The following LRRC69 variants were observed in gnomAD, a reference collection of about 807,000 sequenced individuals.
The protein encoded by LRRC69 is leucine rich repeat containing 69, also known as leucine-rich repeat-containing protein 69.
Under a neutral mutation model 37.8 loss-of-function variants are expected in LRRC69, and 42 were observed. That is an observed-to-expected ratio of 1.11 (90% CI 0.87 to 1.44). The LOEUF is 1.44. Among genes scored for constraint, LRRC69 ranks in the 40% most tolerant of loss-of-function variants. LRRC69 has a pLI of 0.00. For synonymous variants in LRRC69, 141 were observed against 143.1 expected, an observed-to-expected ratio of 0.99 and a Z score of 0.11; for missense variants, 357 against 401.9, an observed-to-expected ratio of 0.89 and a Z score of 0.96.
intron 7 of LRRC69, chr8:91,209,580 G>T (rs1460448708): frequency 6.6e-6 from 1 of 152,240 alleles, no homozygotes; most frequent in Non-Finnish European, 1.5e-5. Flanking sequence ...ACGTGAGGAA[G>T]GCTTGAAGAA....
At chr8:91,144,236 C>T (rs1808578762) in intron 5 of LRRC69, among the ~76,000 whole-genome samples, 1 of 151,952 alleles carries the variant, frequency 6.6e-6, no homozygotes, top group East Asian at 1.9e-4. Context: ...GGTTCTAATT[C>T]GTAACTGTTA....
intron 6 of LRRC69, among the ~76,000 whole-genome samples, chr8:91,195,627 T>C (rs990335528): frequency 1.3e-5 from 2 of 152,010 alleles, no homozygotes; most frequent in African/African-American, 4.8e-5. Context: ...TTGATCTTTA[T>C]TGGTTTAAAG....
chr8:91,102,732 A>G, exon 1 of LRRC69: 1 of 1,551,880 alleles, frequency 6.4e-7, no homozygotes, highest in Non-Finnish European at 8.7e-7. Flanking sequence ...TTGAATGGGA[A>G]GAAGATGACA....
intron 5 of LRRC69, among the ~76,000 whole-genome samples, chr8:91,143,997 A>G (rs949056240): frequency 2.6e-5 from 4 of 152,018 alleles, no homozygotes; most frequent in Non-Finnish European, 5.9e-5. Context: ...TGTATACATC[A>G]CATTGTTAGG....
intron 5 of LRRC69, among the ~76,000 whole-genome samples, chr8:91,142,637 T>C (rs1347919144): frequency 1.3e-5 from 2 of 152,008 alleles, no homozygotes; most frequent in Non-Finnish European, 2.9e-5. Flanking sequence ...AGGCTGGGGA[T>C]CCCACAGGTT....
intron 5 of LRRC69, among the ~76,000 whole-genome samples, chr8:91,148,000 G>C (rs1808654003): frequency 6.6e-6 from 1 of 151,630 alleles, no homozygotes; most frequent in African/African-American, 2.4e-5. Flanking sequence ...GAGTATGATG[G>C]CTTCCAGCTT....
chr8:91,125,768 A>G (rs557214590), intron 2 of LRRC69, among the ~76,000 whole-genome samples: 1 of 151,796 alleles, frequency 6.6e-6, no homozygotes, highest in South Asian at 2.1e-4. Flanking sequence ...TAAGTTAGGT[A>G]TATATATATC....
chr8:91,189,167 A>G (rs1177340776), intron 5 of LRRC69, among the ~76,000 whole-genome samples: 4 of 152,146 alleles, frequency 2.6e-5, no homozygotes, highest in Admixed American at 2.0e-4. Flanking sequence ...TTGGTTTTCT[A>G]ATAAATATAT....
intron 5 of LRRC69, among the ~76,000 whole-genome samples, chr8:91,175,680 G>A (rs567741545): frequency 3.3e-5 from 5 of 152,158 alleles, no homozygotes; most frequent in African/African-American, 1.2e-4. Flanking sequence ...TGGGTGGGTG[G>A]TTGCACTTCG....
intron 1 of LRRC69, among the ~76,000 whole-genome samples, chr8:91,103,598 C>G (rs899044370): frequency 7.9e-5 from 12 of 152,052 alleles, no homozygotes; most frequent in African/African-American, 2.9e-4. Flanking sequence ...CTAGAAGCAG[C>G]TAAGGCGTTA....
chr8:91,169,525 T>A (rs907804856), intron 5 of LRRC69, among the ~76,000 whole-genome samples: 18 of 46,602 alleles, frequency 3.9e-4, no homozygotes, highest in African/African-American at 7.5e-4. Context: ...TGTATATAAT[T>A]TTTTTTTTAT....
chr8:91,200,488 C>A lies in LRRC69; in HGVS notation c.754-125C>A. Reference sequence around the variant, plus strand: ...ACAACACAATTCATTAGATACACTGCAGAATCTTAATTTAACAGAATCTAG... The same window carrying A: ...ACAACACAATTCATTAGATACACTGAAGAATCTTAATTTAACAGAATCTAG... On this transcript the variant is annotated intron_variant, in intron 6 of 7. Coordinates refer to ENST00000448384, the Ensembl canonical transcript of LRRC69. The A allele has an allele frequency of 4.8e-6, 3 of 619,542 alleles. No individual in the cohort carries two copies. The Middle Eastern group carries it at 9.6e-4, about 199-fold the overall frequency. The allele number at this position is 619,542 out of a possible 1,614,324, so 38.4% of individuals were successfully genotyped here.
chr8:91,106,667 A>C (rs1160399236), intron 1 of LRRC69, among the ~76,000 whole-genome samples: 1 of 152,038 alleles, frequency 6.6e-6, no homozygotes, highest in African/African-American at 2.4e-5. Flanking sequence ...TTGTATTATT[A>C]TTCTATATAT....
chr8:91,198,421 TTGA>T (rs1809655799), intron 6 of LRRC69, among the ~76,000 whole-genome samples: 1 of 152,210 alleles, frequency 6.6e-6, no homozygotes, highest in Admixed American at 6.5e-5. Flanking sequence ...ATTTTTGCTC[TTGA>T]TGCTACGTTT....
intron 5 of LRRC69, 120 bp from the exon 6 acceptor site, chr8:91,189,402 A>T: frequency 1.5e-6 from 1 of 678,496 alleles, no homozygotes; most frequent in South Asian, 2.0e-5. Flanking sequence ...CCACATTAGT[A>T]TTTACTGTGG....
intron 5 of LRRC69, among the ~76,000 whole-genome samples, chr8:91,148,062 C>T (rs113438586): frequency 2.0e-5 from 3 of 150,066 alleles, no homozygotes; most frequent in African/African-American, 7.3e-5. Context: ...TGGCTGCATA[C>T]TATTCCATGG....
intron 5 of LRRC69, chr8:91,158,266 T>G (rs1305777352): frequency 1.3e-6 from 2 of 1,545,944 alleles, no homozygotes; most frequent in Non-Finnish European, 1.8e-6. Flanking sequence ...GCCCCCTGAT[T>G]GTTTGTCGAA....
At chr8:91,109,814 G>T (rs1813380218) in intron 1 of LRRC69, among the ~76,000 whole-genome samples, 2 of 152,036 alleles carry the variant, frequency 1.3e-5, no homozygotes, top group South Asian at 2.1e-4. Flanking sequence ...TGAGAAATAT[G>T]ACTTTGTTAG....
chr8:91,158,579 G>A, intron 5 of LRRC69: 2 of 1,310,860 alleles, frequency 1.5e-6, no homozygotes, highest in Non-Finnish European at 2.2e-6. Flanking sequence ...ACAAGCACAG[G>A]GGTGTTTATA....
Sources: gnomAD v4.1 joint callset for allele counts (sites outside exome capture counted in the v4.1 genomes callset) on GRCh38, gnomAD v4.1.1 for gene constraint, MANE v1.5 for transcripts, NCBI Gene and HGNC (gene_info 2026-07-23, HGNC 2026-07-21) for gene names.